Variants in SMCO4 observed in about 807,000 individuals in gnomAD.
SMCO4 encodes the protein single-pass membrane protein with coiled-coil domains 4.
Under a neutral mutation model 3.6 loss-of-function variants are expected in SMCO4, and 4 were observed. The ratio of observed to expected loss-of-function variants is 1.11; its 90% CI spans 0.54 to 2.53. The LOEUF is 2.53. SMCO4 is among the 30% of genes most tolerant of loss of function. The probability of loss-of-function intolerance (pLI) is 0.02; values close to 1 mark genes in which losing one functional copy is unlikely to be tolerated. For missense variants in SMCO4, 70 were observed against 80.8 expected (o/e 0.87, Z 0.51); for synonymous variants, 36 against 35.3 (o/e 1.02, Z -0.07).
chr11:93,500,648 C>A (rs1321742972), intron 1 of SMCO4, among the ~76,000 whole-genome samples: 1 of 152,084 alleles, frequency 6.6e-6, no homozygotes, highest in Non-Finnish European at 1.5e-5. Flanking sequence ...GGAGTTTGGA[C>A]TTTATCAAAG....
chr11:93,507,490 T>C (rs562401000), intron 1 of SMCO4, among the ~76,000 whole-genome samples: 1 of 152,348 alleles, frequency 6.6e-6, no homozygotes, highest in Admixed American at 6.5e-5. Context: ...AGAATGGCAA[T>C]GACATTAACA....
Position 93,479,265 on chromosome 11 carries a change from A to G in SMCO4, c.-76T>C. On this transcript the variant is annotated 5_prime_UTR_variant, in exon 3 of 3. Coordinates refer to ENST00000298966, the MANE Select transcript of SMCO4 (RefSeq NM_020179.3). The stretch of plus-strand genomic sequence containing the variant: ...CCACACTCCTCTTGCCAAGGCTGGA[A>G]CCTCCTGTAGAGAGAACAACTGTGA... 2.6e-6 allele frequency: 4 copies of G among 1,556,836 alleles called. No homozygotes were observed. The South Asian group carries it at 4.9e-5, about 19-fold the overall frequency.
Position 93,479,099 on chromosome 11 carries a change from T to C in SMCO4, c.91A>G (p.Thr31Ala). The change falls in exon 3 of 3, where the codon ACT becomes GCT. Residue 31 changes from threonine (T) to alanine (A), a missense_variant. Thr to Ala is a moderately conservative substitution (Grantham distance 58, BLOSUM62 0). Coordinates refer to ENST00000298966, the MANE Select transcript of SMCO4 (RefSeq NM_020179.3). ...QAMQEARQQI[T>A]TVVLPTLAVV... ...GCCAGCGTGGGCAGCACCACTGTAG[T>C]GATCTGCTGCCGGGCCTCCTGCATG... is the stretch of plus-strand genomic sequence containing the variant. The C allele has an allele frequency of 1.2e-6, 2 of 1,614,076 alleles. No homozygotes were observed. Among genetic ancestry groups the C allele is most frequent in the Non-Finnish European group, 1.7e-6 (2 of 1,180,038 alleles).
intron 1 of SMCO4, among the ~76,000 whole-genome samples, chr11:93,531,939 A>G (rs1396880207): frequency 6.6e-6 from 1 of 152,188 alleles, no homozygotes; most frequent in Non-Finnish European, 1.5e-5. Context: ...ATAAGCTGGA[A>G]GCCCCTGCCC....
intron 2 of SMCO4, among the ~76,000 whole-genome samples, chr11:93,488,265 A>G (rs1948673549): frequency 6.6e-6 from 1 of 152,226 alleles, no homozygotes; most frequent in Non-Finnish European, 1.5e-5. Flanking sequence ...CGCAGGGGCC[A>G]GCAAGTCCGG....
intron 2 of SMCO4, among the ~76,000 whole-genome samples, chr11:93,492,058 C>G (rs1221530608): frequency 6.6e-6 from 1 of 152,228 alleles, no homozygotes; most frequent in Non-Finnish European, 1.5e-5. Flanking sequence ...GAGGGACTAA[C>G]TGAATTTATC....
At chr11:93,529,807 G>A (rs1949145857) in intron 1 of SMCO4, among the ~76,000 whole-genome samples, 1 of 152,256 alleles carries the variant, frequency 6.6e-6, no homozygotes. Flanking sequence ...GCCTCCGCCT[G>A]GAGTTCCTTC....
intron 1 of SMCO4, among the ~76,000 whole-genome samples, chr11:93,534,398 A>AGAGAGAGAGAGAGAGAGAT (rs1157579206): frequency 6.9e-6 from 1 of 145,950 alleles, no homozygotes; most frequent in African/African-American, 2.5e-5. Flanking sequence ...AGAGAGAGAT[A>AGAGAGAGAGAGAGAGAGAT]CATATATATA....
At chr11:93,498,540 G>T (rs1288959776) in intron 2 of SMCO4, among the ~76,000 whole-genome samples, 1 of 152,206 alleles carries the variant, frequency 6.6e-6, no homozygotes, top group Non-Finnish European at 1.5e-5. Context: ...CTGGCATCCA[G>T]CTCTGCCTGT....
At chr11:93,541,128 C>G (rs1949267553) in intron 1 of SMCO4, among the ~76,000 whole-genome samples, 1 of 152,214 alleles carries the variant, frequency 6.6e-6, no homozygotes, top group Middle Eastern at 3.2e-3. Flanking sequence ...AGCACCATGG[C>G]TTGATCATTA....
intron 1 of SMCO4, among the ~76,000 whole-genome samples, chr11:93,507,164 G>A (rs891703956): frequency 6.6e-6 from 1 of 152,168 alleles, no homozygotes; most frequent in Non-Finnish European, 1.5e-5. Context: ...CAGCACTTTG[G>A]GAGGCCGAGG....
At chr11:93,490,973 A>G (rs1452144050) in intron 2 of SMCO4, among the ~76,000 whole-genome samples, 1 of 152,246 alleles carries the variant, frequency 6.6e-6, no homozygotes, top group African/African-American at 2.4e-5. Flanking sequence ...ACCTTGATGA[A>G]TAAGTGGTTA....
At chr11:93,487,555 C>T (rs2605602) in intron 2 of SMCO4, among the ~76,000 whole-genome samples, 105,567 of 152,108 alleles carry the variant, frequency 0.69, 37,059 homozygotes, top group East Asian at 0.99. Flanking sequence ...GGCAGCAGCA[C>T]TGACTACTCC....
At chr11:93,492,753 G>A (rs1411631257) in intron 2 of SMCO4, among the ~76,000 whole-genome samples, 3 of 152,198 alleles carry the variant, frequency 2.0e-5, no homozygotes, top group Admixed American at 6.5e-5. Context: ...AGAGCAGAAC[G>A]AGTTGATGAA....
At chr11:93,490,680 GA>G (rs1948704444) in intron 2 of SMCO4, among the ~76,000 whole-genome samples, 1 of 152,186 alleles carries the variant, frequency 6.6e-6, no homozygotes, top group Non-Finnish European at 1.5e-5. Flanking sequence ...TGAGGTTGTG[GA>G]AACACTACCT....
At chr11:93,480,942 C>T (rs1948585298) in intron 2 of SMCO4, among the ~76,000 whole-genome samples, 1 of 151,928 alleles carries the variant, frequency 6.6e-6, no homozygotes, top group Admixed American at 6.6e-5. Flanking sequence ...GCTAGGATGG[C>T]ATAATGCCAA....
upstream of SMCO4, among the ~76,000 whole-genome samples, chr11:93,545,260 A>G (rs1345405085): frequency 6.6e-6 from 1 of 152,172 alleles, no homozygotes; most frequent in Admixed American, 6.5e-5. Flanking sequence ...ATGCTCCCTT[A>G]TAGTAGTAAT....
chr11:93,526,955 T>C (rs879863897), intron 1 of SMCO4, among the ~76,000 whole-genome samples: 27 of 152,286 alleles, frequency 1.8e-4, no homozygotes, highest in African/African-American at 6.3e-4. Context: ...CCCTTTCCAC[T>C]GCACTGCTGA....
At chr11:93,479,777 ATC>A (rs1948570770) in intron 2 of SMCO4, among the ~76,000 whole-genome samples, 1 of 152,150 alleles carries the variant, frequency 6.6e-6, no homozygotes. Flanking sequence ...AACTTCTCTC[ATC>A]TCTTTGTTGG....
Sources: gnomAD v4.1 joint callset for allele counts (sites outside exome capture counted in the v4.1 genomes callset) on GRCh38, gnomAD v4.1.1 for gene constraint, MANE v1.5 for transcripts, NCBI Gene and HGNC (gene_info 2026-07-23, HGNC 2026-07-21) for gene names.